Variants in DPP10 observed in about 807,000 individuals in gnomAD.
DPP10 encodes dipeptidyl peptidase like 10.
A neutral mutation model predicts 120.9 loss-of-function variants in DPP10; 33 were observed. That is an observed-to-expected ratio of 0.27 (90% CI 0.21 to 0.37). The LOEUF (loss-of-function observed/expected upper bound fraction) is 0.37. DPP10 is among the 10% of genes least tolerant of loss of function. The pLI, the probability that DPP10 is intolerant of heterozygous loss-of-function variation, is 1.00. For missense variants in DPP10, 816 were observed against 942.8 expected, an observed-to-expected ratio of 0.87 and a Z score of 1.76; for synonymous variants, 337 against 326.1, an observed-to-expected ratio of 1.03 and a Z score of -0.36.
intron 1 of DPP10, among the ~76,000 whole-genome samples, chr2:114,596,679 G>T (rs1204055127): frequency 6.6e-6 from 1 of 151,890 alleles, no homozygotes; most frequent in Non-Finnish European, 1.5e-5. Flanking sequence ...TCTCTTTCCA[G>T]TTATCCTGCA....
At chr2:115,416,833 G>A (rs1339586061) in intron 3 of DPP10, among the ~76,000 whole-genome samples, 2 of 152,100 alleles carry the variant, frequency 1.3e-5, no homozygotes, top group Non-Finnish European at 2.9e-5. Context: ...CTGCGTTCCA[G>A]TTTCAAAAAT....
chr2:115,203,197 A>G (rs1201315796), intron 1 of DPP10, among the ~76,000 whole-genome samples: 3 of 152,182 alleles, frequency 2.0e-5, no homozygotes, highest in Admixed American at 6.5e-5. Context: ...GTCCAAGACA[A>G]TGTTTTCTGC....
intron 1 of DPP10, among the ~76,000 whole-genome samples, chr2:114,701,414 A>G (rs1473877024): frequency 6.6e-6 from 1 of 152,108 alleles, no homozygotes; most frequent in Admixed American, 6.6e-5. Context: ...CCCTCTAGCT[A>G]TAATTAAGCC....
intron 1 of DPP10, among the ~76,000 whole-genome samples, chr2:114,840,170 A>G (rs958712395): frequency 6.6e-6 from 1 of 152,214 alleles, no homozygotes; most frequent in African/African-American, 2.4e-5. Flanking sequence ...TATTTATAAG[A>G]CATACTTTGT....
intron 1 of DPP10, among the ~76,000 whole-genome samples, chr2:115,301,842 A>G (rs184001645): frequency 6.6e-6 from 1 of 152,208 alleles, no homozygotes; most frequent in Non-Finnish European, 1.5e-5. Flanking sequence ...TGATGCTAAA[A>G]GTGTAAAACT....
intron 19 of DPP10, among the ~76,000 whole-genome samples, chr2:115,804,929 G>T (rs1685738145): frequency 6.6e-6 from 1 of 152,224 alleles, no homozygotes; most frequent in African/African-American, 2.4e-5. Context: ...CAAGCTGCAT[G>T]CTGGGAAAAC....
chr2:114,561,175 G>T (rs141233833), intron 1 of DPP10, among the ~76,000 whole-genome samples: 1 of 152,064 alleles, frequency 6.6e-6, no homozygotes, highest in African/African-American at 2.4e-5. Context: ...GCCCTCATCC[G>T]CAATCCACAT....
intron 1 of DPP10, among the ~76,000 whole-genome samples, chr2:114,982,209 A>G (rs1700131034): frequency 6.6e-6 from 1 of 152,206 alleles, no homozygotes; most frequent in South Asian, 2.1e-4. Context: ...TTTGTTTGGG[A>G]GGGGAGATAA....
chr2:115,236,338 G>A (rs2058007589), intron 1 of DPP10, among the ~76,000 whole-genome samples: 1 of 152,148 alleles, frequency 6.6e-6, no homozygotes, highest in African/African-American at 2.4e-5. Context: ...GTGTAGAGAT[G>A]CCTTTCATTG....
At chr2:114,662,752 T>C (rs886653782) in intron 1 of DPP10, among the ~76,000 whole-genome samples, 2 of 152,106 alleles carry the variant, frequency 1.3e-5, no homozygotes, top group African/African-American at 4.8e-5. Context: ...GGGGTTCTGC[T>C]TGCAGCCCAC....
intron 5 of DPP10, among the ~76,000 whole-genome samples, chr2:115,628,476 C>T (rs995940372): frequency 6.6e-6 from 1 of 152,084 alleles, no homozygotes; most frequent in African/African-American, 2.4e-5. Flanking sequence ...GTTGTCTGTT[C>T]AACTGATGAT....
intron 8 of DPP10, among the ~76,000 whole-genome samples, chr2:115,730,330 A>C (rs935797411): frequency 6.6e-6 from 1 of 152,180 alleles, no homozygotes; most frequent in Non-Finnish European, 1.5e-5. Context: ...ATAAGAAGTC[A>C]AGGATGATTC....
chr2:115,738,072 CAT>C (rs1175065918), intron 8 of DPP10, among the ~76,000 whole-genome samples: 4 of 152,314 alleles, frequency 2.6e-5, no homozygotes, highest in Middle Eastern at 3.4e-3. Flanking sequence ...GCCAAGAAAT[CAT>C]AACTATACTG....
At chr2:115,385,804 C>G (rs2066889513) in intron 3 of DPP10, among the ~76,000 whole-genome samples, 1 of 152,122 alleles carries the variant, frequency 6.6e-6, no homozygotes, top group African/African-American at 2.4e-5. Context: ...TTTTATCTTC[C>G]TAATCTGTCT....
At chr2:114,536,712 G>T (rs1686532507) in intron 1 of DPP10, among the ~76,000 whole-genome samples, 1 of 151,962 alleles carries the variant, frequency 6.6e-6, no homozygotes. Flanking sequence ...GCCAACTTTG[G>T]TCTGTTCTTC....
At chr2:114,901,266 C>G (rs1000324082) in intron 1 of DPP10, among the ~76,000 whole-genome samples, 9 of 152,164 alleles carry the variant, frequency 5.9e-5, no homozygotes, top group Non-Finnish European at 1.3e-4. Flanking sequence ...GGCATGAACT[C>G]TGCTCACTGC....
Position 115,361,157 on chromosome 2 carries a change from C to T in DPP10, c.271+17245C>T, listed in dbSNP as rs917503769. Among the ~76,000 whole-genome samples, 59 of 152,006 alleles carry T rather than the reference C, an allele frequency of 3.9e-4. 1 individual carries two copies. The highest frequency in any genetic ancestry group is 3.4e-3 in the Admixed American group (52 of 15,262). ...ATTGGTCTTCCAGAGCATGGTATAC[C>T]CAGCTGCTGTGCCATCCCATGATCC... On this transcript the variant is annotated intron_variant, in intron 3 of 25. Coordinates refer to ENST00000410059, the MANE Select transcript of DPP10 (RefSeq NM_020868.6).
At chr2:115,490,750 A>G (rs992245655) in intron 3 of DPP10, among the ~76,000 whole-genome samples, 12 of 152,224 alleles carry the variant, frequency 7.9e-5, no homozygotes, top group African/African-American at 2.4e-4. Context: ...AAAGTAGGTT[A>G]TGAGAGTTGA....
intron 1 of DPP10, among the ~76,000 whole-genome samples, chr2:114,572,104 A>T (rs1689704193): frequency 6.6e-6 from 1 of 151,738 alleles, no homozygotes; most frequent in Non-Finnish European, 1.5e-5. Context: ...TGTCTCTCAC[A>T]TACACAAACA....
Sources: gnomAD v4.1 joint callset for allele counts (sites outside exome capture counted in the v4.1 genomes callset) on GRCh38, gnomAD v4.1.1 for gene constraint, MANE v1.5 for transcripts, NCBI Gene and HGNC (gene_info 2026-07-23, HGNC 2026-07-21) for gene names.